The following OSBPL10 variants were observed in gnomAD, a reference collection of about 807,000 sequenced individuals.
OSBPL10 encodes oxysterol binding protein like 10.
OSBPL10 carries 49 observed loss-of-function variants against 81.7 expected under a neutral mutation model. The observed-to-expected ratio is 0.60, with a 90% CI of 0.48 to 0.76. The LOEUF is 0.76. Among genes scored for constraint, OSBPL10 ranks in the 30% least tolerant of loss-of-function variants. OSBPL10 has a pLI of 0.00. For missense variants in OSBPL10, 923 were observed against 987.8 expected, an observed-to-expected ratio of 0.93 and a Z score of 0.88; for synonymous variants, 419 against 383.6, an observed-to-expected ratio of 1.09 and a Z score of -1.08.
intron 3 of OSBPL10, among the ~76,000 whole-genome samples, chr3:31,873,264 AAAGG>A (rs1240785249): frequency 6.6e-6 from 1 of 152,212 alleles, no homozygotes; most frequent in Non-Finnish European, 1.5e-5. Context: ...TCTACGATAA[AAAGG>A]AAGAATATTT....
At chr3:31,977,402 C>A (rs1330903368) in intron 1 of OSBPL10, among the ~76,000 whole-genome samples, 2 of 152,142 alleles carry the variant, frequency 1.3e-5, no homozygotes, top group African/African-American at 2.4e-5. Flanking sequence ...AAAATCTCAT[C>A]TCTACACAGC....
At chr3:31,729,970 C>T (rs763370493) in intron 6 of OSBPL10, among the ~76,000 whole-genome samples, 6 of 152,196 alleles carry the variant, frequency 3.9e-5, no homozygotes, top group African/African-American at 1.2e-4. Flanking sequence ...CTCCCAGTAA[C>T]GTGTTCAGAA....
At chr3:31,769,401 C>T (rs1394243572) in intron 4 of OSBPL10, among the ~76,000 whole-genome samples, 12 of 136,054 alleles carry the variant, frequency 8.8e-5, no homozygotes, top group South Asian at 2.4e-4. Flanking sequence ...GCCGAGATCA[C>T]GCCACTGCAC....
Position 31,829,402 on chromosome 3 carries a change from A to G in OSBPL10, c.729+638T>C, listed in dbSNP as rs553818844. The stretch of plus-strand genomic sequence containing the variant: ...CGAAATTTAAACATAACCTCGCCTC[A>G]CTTTTATAAGGCACAATTAAAGAGT... On this transcript the variant is annotated intron_variant, in intron 4 of 11. Transcript: ENST00000396556. Among the ~76,000 whole-genome samples the G allele has an allele frequency of 2.0e-5, 3 of 152,320 alleles. No individual in the cohort carries two copies. The South Asian group carries it at 6.2e-4, about 32-fold the overall frequency.
chr3:31,777,942 G>C (rs925581068), intron 4 of OSBPL10, among the ~76,000 whole-genome samples: 6 of 152,352 alleles, frequency 3.9e-5, no homozygotes, highest in African/African-American at 1.4e-4. Flanking sequence ...TGGAATCTGG[G>C]AAAGGTTGCA....
intron 7 of OSBPL10, among the ~76,000 whole-genome samples, chr3:31,690,597 T>C (rs1432168031): frequency 1.3e-5 from 2 of 152,204 alleles, no homozygotes; most frequent in Non-Finnish European, 1.5e-5. Flanking sequence ...CCCAAAATTG[T>C]GGACTGAGGG....
At chr3:31,835,648 A>G (rs1238260372) in intron 3 of OSBPL10, among the ~76,000 whole-genome samples, 1 of 152,198 alleles carries the variant, frequency 6.6e-6, no homozygotes, top group Non-Finnish European at 1.5e-5. Context: ...TATTTCAGAA[A>G]AAAATAGCCC....
chr3:31,697,442 T>C (rs1695759367), intron 7 of OSBPL10, among the ~76,000 whole-genome samples: 1 of 152,018 alleles, frequency 6.6e-6, no homozygotes, highest in Non-Finnish European at 1.5e-5. Context: ...TGGCAACTAA[T>C]AATAAATGGC....
intron 1 of OSBPL10, among the ~76,000 whole-genome samples, chr3:31,921,906 G>T (rs2125707301): frequency 6.6e-6 from 1 of 152,304 alleles, no homozygotes; most frequent in East Asian, 1.9e-4. Context: ...TGATAAAAAT[G>T]CCACTTTCCC....
At chr3:32,058,957 G>T (rs1184941915) in intron 1 of OSBPL10, among the ~76,000 whole-genome samples, 1 of 152,172 alleles carries the variant, frequency 6.6e-6, no homozygotes, top group Admixed American at 6.5e-5. Flanking sequence ...CAGAGTAGCT[G>T]GGACTACAAG....
rs1029759469 is a variant in OSBPL10 at position 31,868,378 on chromosome 3, C to A, written c.537+8055G>T. On this transcript the variant is annotated intron_variant, in intron 3 of 11. Transcript: ENST00000396556. ...TGGGGAATGCCAGTCAGAAAACAGC[C>A]ACCTGAACCAAAAAGGCAATCCCCG... Among the ~76,000 whole-genome samples the A allele has an allele frequency of 6.6e-5, 10 of 152,108 alleles. No homozygotes were observed. The East Asian group carries it at 1.7e-3, about 26-fold the overall frequency.
At chr3:31,803,992 G>C (rs1699461886) in intron 4 of OSBPL10, among the ~76,000 whole-genome samples, 1 of 152,092 alleles carries the variant, frequency 6.6e-6, no homozygotes, top group Non-Finnish European at 1.5e-5. Flanking sequence ...AAAAAAATAA[G>C]TATTCTACAG....
At chr3:31,989,051 A>G (rs1698983953) in intron 2 of OSBPL10, 1 of 1,612,708 alleles carries the variant, frequency 6.2e-7, no homozygotes, top group Non-Finnish European at 8.5e-7. Context: ...TGAAGGTCAC[A>G]CTGCAGCACT....
Position 31,822,589 on chromosome 3 carries a change from G to A in OSBPL10, c.729+7451C>T, listed in dbSNP as rs139776687. 1.2e-3 allele frequency among the ~76,000 whole-genome samples: 188 copies of A among 152,070 alleles called. 1 individual carries two copies. Among genetic ancestry groups the A allele is most frequent in the African/African-American group, 4.3e-3 (178 of 41,446 alleles). On this transcript the variant is annotated intron_variant, in intron 4 of 11. Coordinates refer to ENST00000396556, the MANE Select transcript of OSBPL10 (RefSeq NM_017784.5). ...GTCTATTGAAGTAAGTGTGAGCCGC[G>A]TTAAAAACTATTGTAATAACTAGAC...
At chr3:31,771,651 T>C (rs1230713078) in intron 4 of OSBPL10, among the ~76,000 whole-genome samples, 1 of 152,186 alleles carries the variant, frequency 6.6e-6, no homozygotes, top group East Asian at 1.9e-4. Context: ...TGGACCCATC[T>C]AGATTAAGTA....
chr3:31,728,669 A>G (rs2125655014), intron 6 of OSBPL10, among the ~76,000 whole-genome samples: 1 of 152,260 alleles, frequency 6.6e-6, no homozygotes, highest in South Asian at 2.1e-4. Flanking sequence ...ATGATTCCAT[A>G]TATATATGAC....
In OSBPL10 at chr3:31,980,942, C is replaced by A; in HGVS notation, c.238G>T (p.Val80Leu). Residue 80 changes from valine to leucine, a missense_variant, in exon 1 of 12, where the codon GTG (valine) becomes TTG (leucine). Coordinates refer to ENST00000396556, the MANE Select transcript of OSBPL10 (RefSeq NM_017784.5). ...AGGAGGTTGGTGTATTTGCTGAGCA[C>A]GCCCTCGAGCGCCGGCTCCCTCCTG... is the stretch of plus-strand genomic sequence containing the variant. ...GRRREPALEG[V>L]LSKYTNLLQG... The A allele has an allele frequency of 1.3e-6, 2 of 1,579,086 alleles. No individual in the cohort carries two copies. The highest frequency in any genetic ancestry group is 1.8e-5 in the Admixed American group (1 of 55,708).
intron 5 of OSBPL10, among the ~76,000 whole-genome samples, chr3:31,742,417 G>A (rs146944820): frequency 2.1e-4 from 31 of 147,194 alleles, no homozygotes; most frequent in African/African-American, 7.5e-4. Context: ...TTATTGCAAG[G>A]ATGAGTTAAG....
intron 1 of OSBPL10, among the ~76,000 whole-genome samples, chr3:31,894,597 A>G (rs897847464): frequency 6.6e-6 from 1 of 152,194 alleles, no homozygotes; most frequent in Non-Finnish European, 1.5e-5. Flanking sequence ...AGAAAGGAAA[A>G]GAACTTCTCT....
Sources: gnomAD v4.1 joint callset for allele counts (sites outside exome capture counted in the v4.1 genomes callset) on GRCh38, gnomAD v4.1.1 for gene constraint, MANE v1.5 for transcripts, NCBI Gene and HGNC (gene_info 2026-07-23, HGNC 2026-07-21) for gene names.